The following UNC13B variants were observed in gnomAD, a reference collection of about 807,000 sequenced individuals.
UNC13B encodes the protein unc-13 homolog B, also known as protein unc-13 homolog B.
Under a neutral mutation model 211.0 loss-of-function variants are expected in UNC13B, and 144 were observed. That is an observed-to-expected ratio of 0.68 (90% confidence interval 0.60 to 0.78). UNC13B has a LOEUF of 0.78. Ranked by LOEUF, UNC13B falls within the 30% of genes least tolerant of loss-of-function variation. The pLI, the probability that UNC13B is intolerant of heterozygous loss-of-function variation, is 0.00. For synonymous variants in UNC13B, 709 were observed against 725.8 expected (o/e 0.98, Z 0.37); for missense variants, 1,777 against 2,002.0 (o/e 0.89, Z 2.14).
intron 4 of UNC13B, among the ~76,000 whole-genome samples, chr9:35,237,098 T>C (rs1825555846): frequency 1.3e-5 from 2 of 152,300 alleles, no homozygotes; most frequent in East Asian, 3.9e-4. Flanking sequence ...CTCTATACGT[T>C]ATTTCTAGGA....
intron 11 of UNC13B, among the ~76,000 whole-genome samples, chr9:35,343,189 A>G (rs959150240): frequency 6.6e-6 from 1 of 152,236 alleles, no homozygotes; most frequent in Admixed American, 6.5e-5. Context: ...TTTCTCATCT[A>G]TGAAATCAGT....
At chr9:35,249,014 A>AAT (rs1826284767) in intron 6 of UNC13B, among the ~76,000 whole-genome samples, 1 of 152,072 alleles carries the variant, frequency 6.6e-6, no homozygotes, top group Non-Finnish European at 1.5e-5. Context: ...GTCTCTAAGG[A>AAT]CTTGCTTTAT....
intron 3 of UNC13B, among the ~76,000 whole-genome samples, chr9:35,233,843 C>T (rs1265985825): frequency 6.6e-6 from 1 of 152,058 alleles, no homozygotes; most frequent in African/African-American, 2.4e-5. Flanking sequence ...AGAAACTTCC[C>T]TAGGGTCCTG....
At chr9:35,172,853 C>A (rs895934765) in intron 1 of UNC13B, among the ~76,000 whole-genome samples, 2 of 151,974 alleles carry the variant, frequency 1.3e-5, no homozygotes, top group African/African-American at 4.8e-5. Flanking sequence ...GGTGTAAGGT[C>A]TATTTTTATC....
chr9:35,273,625 A>G (rs1189645200), intron 7 of UNC13B, among the ~76,000 whole-genome samples: 6 of 152,146 alleles, frequency 3.9e-5, no homozygotes, highest in Admixed American at 3.9e-4. Context: ...CATTCTGTAT[A>G]TGTAACTAGG....
At chr9:35,402,437 A>G (rs943107370) in intron 37 of UNC13B, among the ~76,000 whole-genome samples, 4 of 151,486 alleles carry the variant, frequency 2.6e-5, no homozygotes, top group Non-Finnish European at 4.4e-5. Flanking sequence ...GCCTGCCACC[A>G]CTGCCAGCTA....
chr9:35,358,690 ATT>A (rs918370577), intron 11 of UNC13B, among the ~76,000 whole-genome samples: 3,855 of 108,500 alleles, frequency 0.036, 30 homozygotes, highest in Non-Finnish European at 0.045. Context: ...TAGGTCTATG[ATT>A]TTTTTTTTTT....
At chr9:35,359,895 A>C (rs1312555328) in intron 11 of UNC13B, among the ~76,000 whole-genome samples, 3 of 152,246 alleles carry the variant, frequency 2.0e-5, no homozygotes, top group East Asian at 3.9e-4. Flanking sequence ...CCCATAGAGC[A>C]TGAGTCAGGT....
At chr9:35,347,554 C>T (rs1047063839) in intron 11 of UNC13B, among the ~76,000 whole-genome samples, 1 of 152,212 alleles carries the variant, frequency 6.6e-6, no homozygotes, top group African/African-American at 2.4e-5. Flanking sequence ...CGAGCTCCAT[C>T]CCCTGCTTCA....
At chr9:35,351,775 C>T (rs1832736892) in intron 11 of UNC13B, 1 of 1,232,296 alleles carries the variant, frequency 8.1e-7, no homozygotes. Flanking sequence ...AGAACAACAG[C>T]CAGCTTCCTC....
intron 22 of UNC13B, chr9:35,385,208 C>G: frequency 1.0e-6 from 1 of 985,454 alleles, no homozygotes; most frequent in Non-Finnish European, 1.2e-6. Flanking sequence ...AAGGAACTCA[C>G]TCCAAAAGCA....
rs537936100 is a variant in UNC13B at position 35,313,776 on chromosome 9, A to T, written c.9324-123A>T. The T allele has an allele frequency of 7.0e-6, 5 of 709,736 alleles. No individual in the cohort carries two copies. The African/African-American group carries it at 8.8e-5, about 12-fold the overall frequency. The allele number at this position is 709,736 out of a possible 1,614,324, so 44.0% of individuals were successfully genotyped here. On this transcript the variant is annotated intron_variant, in intron 10 of 39. Transcript: ENST00000635942. ...CTATGCTGTTTTAGTAGCCTGAATC[A>T]CTAAATAAGTGTAGGCATGAGTACA...
At chr9:35,311,613 A>G (rs1830184214) in intron 10 of UNC13B, among the ~76,000 whole-genome samples, 2 of 152,234 alleles carry the variant, frequency 1.3e-5, no homozygotes, top group Non-Finnish European at 2.9e-5. Flanking sequence ...ATCAGAAATC[A>G]GCCTGAAAAT....
In UNC13B at chr9:35,404,108, C is replaced by T. The variant is rs539523414; in HGVS notation, c.*75C>T. ...GGCCAGTGGGAGTTAGCTGTGTAAC[C>T]GGCTTAGGGTCTTTGCAGTCAAGAG... On this transcript the variant is annotated 3_prime_UTR_variant, in exon 40 of 40. Transcript: ENST00000635942. The T allele has an allele frequency of 6.7e-5, 103 of 1,541,320 alleles. No individual in the cohort carries two copies. Among genetic ancestry groups the T allele is most frequent in the Non-Finnish European group, 7.3e-5 (84 of 1,144,948 alleles).
intron 1 of UNC13B, among the ~76,000 whole-genome samples, chr9:35,185,073 T>C (rs1822284343): frequency 6.6e-6 from 1 of 152,190 alleles, no homozygotes; most frequent in Non-Finnish European, 1.5e-5. Flanking sequence ...ACTTTCTGTT[T>C]CCTATTAGAA....
At chr9:35,201,563 G>A (rs946613659) in intron 1 of UNC13B, among the ~76,000 whole-genome samples, 1 of 152,096 alleles carries the variant, frequency 6.6e-6, no homozygotes, top group Non-Finnish European at 1.5e-5. Flanking sequence ...TTTAGTCTTG[G>A]GAGAGTGTAT....
At chr9:35,174,693 G>A (rs948317382) in intron 1 of UNC13B, among the ~76,000 whole-genome samples, 2 of 152,000 alleles carry the variant, frequency 1.3e-5, no homozygotes, top group East Asian at 1.9e-4. Context: ...GACTACAGGC[G>A]CCCGCCACCA....
chr9:35,259,182 T>C (rs900076691), intron 7 of UNC13B, 132 bp downstream of exon 7: 2 of 936,358 alleles, frequency 2.1e-6, no homozygotes, highest in South Asian at 3.2e-5. Flanking sequence ...GAAGCACATC[T>C]GTTCAGGCGC....
Position 35,305,205 on chromosome 9 carries a change from A to G in UNC13B, c.5801A>G (p.Asn1934Ser). Residue 1934 changes from asparagine (N) to serine (S), a missense_variant, in exon 9 of 40, where the codon AAT becomes AGT. Asn to Ser is a conservative substitution (Grantham distance 46). Coordinates refer to ENST00000635942, the MANE Select transcript of UNC13B (RefSeq NM_001371189.2). Reference sequence around the variant, plus strand: ...GAATCGTCAGTTAGTATGACAGCAAATGAAAAACAGTCATCTGGATTTTTG... The same window carrying G: ...GAATCGTCAGTTAGTATGACAGCAAGTGAAAAACAGTCATCTGGATTTTTG... ...QEESSVSMTA[N>S]EKQSSGFLNL... 1 of 398,952 alleles carries G rather than the reference A, an allele frequency of 2.5e-6. No homozygotes were observed. The highest frequency in any genetic ancestry group is 3.6e-5 in the East Asian group (1 of 28,070). The allele number at this position is 398,952 out of a possible 1,614,324, so 24.7% of individuals were successfully genotyped here. A position where few individuals can be genotyped will look rare whatever the true frequency, so the allele number is the denominator to read the frequency against.
Sources: allele counts gnomAD v4.1 joint callset (sites outside exome capture counted in the v4.1 genomes callset), GRCh38; gene constraint gnomAD v4.1.1; transcripts MANE v1.5; gene names NCBI Gene and HGNC (gene_info 2026-07-23, HGNC 2026-07-21).